NUTM2E: variants seen among roughly 807,000 people sequenced by gnomAD.
The protein encoded by NUTM2E is NUT family member 2E.
A neutral mutation model predicts 26.1 loss-of-function variants in NUTM2E; 3 were observed. That is an observed-to-expected ratio of 0.12 (90% CI 0.05 to 0.30). The LOEUF (loss-of-function observed/expected upper bound fraction) is 0.30. Among genes scored for constraint, NUTM2E ranks in the 10% least tolerant of loss-of-function variants. The pLI is 1.00. For missense variants in NUTM2E, 62 were observed against 381.3 expected (o/e 0.16, Z 6.97); for synonymous variants, 13 against 157.5 (o/e 0.08, Z 6.87).
At chr10:79,836,980 C>T (rs1343337841) in intron 1 of NUTM2E, among the ~76,000 whole-genome samples, 1 of 151,540 alleles carries the variant, frequency 6.6e-6, no homozygotes, top group Non-Finnish European at 1.5e-5. Context: ...AATATTTCTG[C>T]TTAGTTTTAG....
At position 79,839,096 on chromosome 10, in the gene NUTM2E, A is replaced by G. The variant is rs1244640684; in HGVS notation, c.-2133A>G. ...CCTCTGAGAAACCAGCGCGTCCGCA[A>G]CGATCACTCCTAATTTTCGGTAATA... On this transcript the variant is annotated 5_prime_UTR_variant, in exon 3 of 10. Coordinates refer to ENST00000429984, the MANE Select transcript of NUTM2E (RefSeq NM_001355263.2). Among the ~76,000 whole-genome samples, 1 of 151,456 alleles carries G rather than the reference A, an allele frequency of 6.6e-6. No homozygotes were observed. Among genetic ancestry groups the G allele is most frequent in the Non-Finnish European group, 1.5e-5 (1 of 67,812 alleles).
intron 1 of NUTM2E, among the ~76,000 whole-genome samples, chr10:79,828,595 TTC>T (rs1328498161): frequency 4.6e-5 from 7 of 151,974 alleles, no homozygotes; most frequent in African/African-American, 1.7e-4. Context: ...TCTGTGAATT[TTC>T]TGTTATATAA....
At chr10:79,832,064 G>A (rs1298007988) in intron 1 of NUTM2E, among the ~76,000 whole-genome samples, 4 of 152,184 alleles carry the variant, frequency 2.6e-5, no homozygotes, top group African/African-American at 9.6e-5. Context: ...TCCTATAAGA[G>A]TATTAATCTC....
intron 1 of NUTM2E, among the ~76,000 whole-genome samples, chr10:79,832,011 C>T (rs1194680035): frequency 4.1e-4 from 54 of 133,162 alleles, no homozygotes; most frequent in Non-Finnish European, 7.8e-4. Flanking sequence ...ACTGACATGG[C>T]AGAGACTGAG....
intron 1 of NUTM2E, 179 bp downstream of exon 1, chr10:79,827,536 T>C (rs1841892916): frequency 6.7e-6 from 1 of 149,960 alleles, no homozygotes; most frequent in African/African-American, 2.5e-5. Context: ...AGCAATGTCT[T>C]TCTTGTATTA....
chr10:79,832,339 G>C (rs2132413691), intron 1 of NUTM2E, among the ~76,000 whole-genome samples: 1 of 151,830 alleles, frequency 6.6e-6, no homozygotes, highest in East Asian at 1.9e-4. Context: ...TGTTTATCGT[G>C]GGGAAGAAGT....
intron 1 of NUTM2E, among the ~76,000 whole-genome samples, chr10:79,830,283 A>T (rs974477732): frequency 3.3e-5 from 5 of 151,794 alleles, no homozygotes; most frequent in Non-Finnish European, 7.4e-5. Context: ...ATGTCAAAAG[A>T]CATGCATCTG....
Position 79,845,263 on chromosome 10 carries a change from C to T in NUTM2E, c.1082+391C>T, listed in dbSNP as rs1223333646. On this transcript the variant is annotated intron_variant, in intron 5 of 9. Coordinates refer to ENST00000429984, the MANE Select transcript of NUTM2E (RefSeq NM_001355263.2). ...TGGCCAGGAGCACCTCACATGGGGCCGGGGGGAGGAGCTGCAGGGCCCAGC... is the reference window on the plus strand; with the variant it reads ...TGGCCAGGAGCACCTCACATGGGGCTGGGGGGAGGAGCTGCAGGGCCCAGC... Among the ~76,000 whole-genome samples the T allele has an allele frequency of 6.2e-5, 7 of 112,434 alleles. 1 individual carries two copies. The highest frequency in any genetic ancestry group is 4.3e-4 in the East Asian group (2 of 4,660). The allele number at this position is 112,434 out of a possible 152,430, so 73.8% of individuals were successfully genotyped here.
At chr10:79,832,075 A>C (rs1245373243) in intron 1 of NUTM2E, among the ~76,000 whole-genome samples, 1 of 152,178 alleles carries the variant, frequency 6.6e-6, no homozygotes, top group African/African-American at 2.4e-5. Context: ...TATTAATCTC[A>C]TTCACCAACT....
chr10:79,836,108 C>T (rs577300436), intron 1 of NUTM2E, among the ~76,000 whole-genome samples: 21 of 151,302 alleles, frequency 1.4e-4, no homozygotes, highest in African/African-American at 4.4e-4. Flanking sequence ...AGCTCTCTTG[C>T]GCAAGTGGAG....
intron 1 of NUTM2E, chr10:79,827,569 A>C (rs1841893492): frequency 7.1e-6 from 1 of 140,380 alleles, no homozygotes; most frequent in African/African-American, 2.7e-5. Flanking sequence ...ATGCTCACAA[A>C]AAAAAAAAAA....
chr10:79,837,483 A>G (rs1172239133), intron 1 of NUTM2E, among the ~76,000 whole-genome samples: 1 of 152,180 alleles, frequency 6.6e-6, no homozygotes, highest in Non-Finnish European at 1.5e-5. Context: ...TGGATCACTA[A>G]GGATCACTGA....
In NUTM2E at chr10:79,834,167, G is replaced by A. The variant is rs368915028; in HGVS notation, c.-2727-4142G>A. 1.3e-4 allele frequency among the ~76,000 whole-genome samples: 19 copies of A among 151,246 alleles called. No homozygotes were observed. In the East Asian group the frequency reaches 2.0e-3, roughly 16 times the overall value. On this transcript the variant is annotated intron_variant, in intron 1 of 9. Transcript: ENST00000429984. ...AGAAGTGGGAGTTGAACAATGACAC[G>A]TGGGCACATGGAGGGAAACATCACA...
intron 1 of NUTM2E, among the ~76,000 whole-genome samples, chr10:79,829,651 G>T (rs1209344661): frequency 1.3e-5 from 2 of 151,896 alleles, no homozygotes; most frequent in Non-Finnish European, 2.9e-5. Context: ...TGCCAAAGCA[G>T]ATAGTCCAAT....
rs542623655 is a variant in NUTM2E, at chr10:79,840,580, G to A, written c.-1161G>A. 1.6e-4 allele frequency among the ~76,000 whole-genome samples: 23 copies of A among 145,336 alleles called. No homozygotes were observed. The highest frequency in any genetic ancestry group is 1.3e-3 in the Admixed American group (19 of 14,534). On this transcript the variant is annotated 5_prime_UTR_variant, in exon 4 of 10. An upstream open reading frame in the 5' UTR gains an earlier in-frame stop. Coordinates refer to ENST00000429984, the MANE Select transcript of NUTM2E (RefSeq NM_001355263.2). ...ACCTTCTCACACAACTGGGGCAGTG[G>A]GGGAGAACCCTGGGCTTGAGACTTG...
intron 1 of NUTM2E, among the ~76,000 whole-genome samples, chr10:79,837,714 A>AGT (rs1254242231): frequency 1.3e-5 from 2 of 152,040 alleles, no homozygotes; most frequent in Non-Finnish European, 2.9e-5. Flanking sequence ...TTGATTCATC[A>AGT]GTGTGTGTAT....
chr10:79,833,931 A>G lies in NUTM2E; in HGVS notation c.-2727-4378A>G, dbSNP rs1589306894. 5.3e-5 allele frequency among the ~76,000 whole-genome samples: 8 copies of G among 152,024 alleles called. 1 individual carries two copies. The highest frequency in any genetic ancestry group is 9.6e-5 in the African/African-American group (4 of 41,504). ...GCACATGTATGTTTATTGCAGCACT[A>G]TTCACAATAGCAAAGACTTTGAACC... is the stretch of plus-strand genomic sequence containing the variant. On this transcript the variant is annotated intron_variant, in intron 1 of 9. Transcript: ENST00000429984.
In NUTM2E at chr10:79,838,988, G is replaced by A. The variant is rs1336457123; in HGVS notation, c.-2241G>A. 6.7e-6 allele frequency among the ~76,000 whole-genome samples: 1 copy of A among 149,194 alleles called. No homozygotes were observed. Among genetic ancestry groups the A allele is most frequent in the Non-Finnish European group, 1.5e-5 (1 of 67,122 alleles). ...AGCCCGCCCTAGGAGGGCCCCGCTGGAGATGTGGAAATGGAGGGACGCGGC... is the reference window on the plus strand; with the variant it reads ...AGCCCGCCCTAGGAGGGCCCCGCTGAAGATGTGGAAATGGAGGGACGCGGC... On this transcript the variant is annotated 5_prime_UTR_variant, in exon 3 of 10. Transcript: ENST00000429984.
chr10:79,845,368 C>T (rs3117698), intron 5 of NUTM2E, among the ~76,000 whole-genome samples: 1 of 113,426 alleles, frequency 8.8e-6, no homozygotes, highest in Non-Finnish European at 2.2e-5. Context: ...GGGATGGTCT[C>T]GGGCCCTGCA....
Sources: allele counts gnomAD v4.1 joint callset (sites outside exome capture counted in the v4.1 genomes callset), GRCh38; gene constraint gnomAD v4.1.1; transcripts MANE v1.5; gene names NCBI Gene and HGNC (gene_info 2026-07-23, HGNC 2026-07-21).